Variants in SVEP1 observed in about 807,000 individuals in gnomAD.
SVEP1 encodes the protein sushi, von Willebrand factor type A, EGF and pentraxin domain-containing protein 1.
A neutral mutation model predicts 367.3 loss-of-function variants in SVEP1; 164 were observed. The observed-to-expected ratio is 0.45, with a 90% CI of 0.39 to 0.51. SVEP1 has a LOEUF of 0.51. SVEP1 is among the 20% of genes least tolerant of loss of function. The probability of loss-of-function intolerance (pLI) is 0.00; values close to 1 mark genes in which losing one functional copy is unlikely to be tolerated. For missense variants in SVEP1, 4,117 were observed against 4,425.3 expected (o/e 0.93, Z 1.98); for synonymous variants, 1,666 against 1,611.6 (o/e 1.03, Z -0.81).
intron 40 of SVEP1, among the ~76,000 whole-genome samples, chr9:110,394,935 A>G (rs1323399835): frequency 6.6e-6 from 1 of 152,226 alleles, no homozygotes; most frequent in East Asian, 1.9e-4. Context: ...TCTGCAGGAT[A>G]TTATCCCGGA....
At chr9:110,382,717 G>A (rs949805093) in intron 43 of SVEP1, among the ~76,000 whole-genome samples, 1 of 151,964 alleles carries the variant, frequency 6.6e-6, no homozygotes, top group Non-Finnish European at 1.5e-5. Context: ...TCATAGGTTC[G>A]GTCTTTTTAC....
At chr9:110,543,716 C>A (rs975343392) in intron 3 of SVEP1, among the ~76,000 whole-genome samples, 1 of 152,166 alleles carries the variant, frequency 6.6e-6, no homozygotes, top group African/African-American at 2.4e-5. Flanking sequence ...TAGGACCACA[C>A]GGAAAGCAGA....
intron 46 of SVEP1, among the ~76,000 whole-genome samples, chr9:110,374,242 A>C (rs1827317585): frequency 6.6e-6 from 1 of 152,182 alleles, no homozygotes; most frequent in Non-Finnish European, 1.5e-5. Flanking sequence ...AAGTGAGAAC[A>C]TGTGGTATTT....
At chr9:110,560,412 T>G (rs190437213) in intron 1 of SVEP1, among the ~76,000 whole-genome samples, 1 of 152,264 alleles carries the variant, frequency 6.6e-6, no homozygotes, top group Non-Finnish European at 1.5e-5. Flanking sequence ...CTCCTAGTAG[T>G]GTCTTTAGGG....
intron 9 of SVEP1, among the ~76,000 whole-genome samples, chr9:110,487,271 T>C (rs550846411): frequency 6.0e-4 from 91 of 152,270 alleles, no homozygotes; most frequent in Middle Eastern, 3.4e-3. Flanking sequence ...CTTTTATAAT[T>C]TGGGAATTCA....
At chr9:110,371,065 G>C (rs1050834837) in intron 46 of SVEP1, among the ~76,000 whole-genome samples, 4 of 152,218 alleles carry the variant, frequency 2.6e-5, no homozygotes, top group Admixed American at 6.5e-5. Context: ...GAGAACAAGA[G>C]AAGACAAGTA....
chr9:110,503,331 T>C, intron 5 of SVEP1, 114 bp from the exon 6 acceptor site: 3 of 1,066,756 alleles, frequency 2.8e-6, no homozygotes, highest in African/African-American at 1.6e-5. Flanking sequence ...TTTCTTAAAA[T>C]AGCAAACGAC....
rs1420387256 is a variant in SVEP1 at position 110,497,019 on chromosome 9, T to C, written c.1682-86A>G. 23 of 818,826 alleles carry C rather than the reference T, an allele frequency of 2.8e-5. No individual in the cohort carries two copies. The East Asian group carries it at 6.3e-4, about 23-fold the overall frequency. The allele number at this position is 818,826 out of a possible 1,614,324, so 50.7% of individuals were successfully genotyped here. On this transcript the variant is annotated intron_variant, in intron 7 of 47. Transcript: ENST00000374469. ...GGAAGAGGTACAAATCTAGTTATAT[T>C]AATACACTGTGACACATTTGTACAT...
At chr9:110,464,390 T>G (rs1385995543) in intron 18 of SVEP1, among the ~76,000 whole-genome samples, 1 of 152,198 alleles carries the variant, frequency 6.6e-6, no homozygotes, top group Non-Finnish European at 1.5e-5. Context: ...ACTGAGATAA[T>G]TTAAACAGAT....
At chr9:110,486,096 T>C (rs1564156182) in intron 9 of SVEP1, among the ~76,000 whole-genome samples, 1 of 151,906 alleles carries the variant, frequency 6.6e-6, no homozygotes, top group South Asian at 2.1e-4. Context: ...ATCTGGCCTA[T>C]AACAGGTGCT....
rs747246001 is a variant in SVEP1 at position 110,407,647 on chromosome 9, A to G, written c.7953T>C (p.Pro2651=). ...MEVPYVTPHP[P]YHLGAVAKTW... ...TTTTAGCCACTGCTCCCAAATGATAAGGAGGGTGAGGAGTCACATATGGAA... is the reference window on the plus strand; with the variant it reads ...TTTTAGCCACTGCTCCCAAATGATAGGGAGGGTGAGGAGTCACATATGGAA... The change falls in exon 38 of 48, where the codon CCT becomes CCC. Residue 2651 remains proline (P), a synonymous_variant. Coordinates refer to ENST00000374469, the MANE Select transcript of SVEP1 (RefSeq NM_153366.4). 7 of 1,613,898 alleles carry G rather than the reference A, an allele frequency of 4.3e-6. No individual in the cohort carries two copies. Among genetic ancestry groups the G allele is most frequent in the South Asian group, 1.1e-5 (1 of 91,082 alleles).
chr9:110,451,273 A>G lies in SVEP1; in HGVS notation c.3901+16T>C, dbSNP rs1363390152. The G allele has an allele frequency of 6.3e-7, 1 of 1,589,982 alleles. No homozygotes were observed. Among genetic ancestry groups the G allele is most frequent in the East Asian group, 2.2e-5 (1 of 44,748 alleles). ...CAAGATTTTAAGACAACATAGGAAG[A>G]CTGGAAACATCTTACCTACAAATCC... On this transcript the variant is annotated intron_variant, in intron 23 of 47. Transcript: ENST00000374469.
chr9:110,513,169 T>A, intron 4 of SVEP1, 64 bp from the exon 5 acceptor site: 2 of 1,459,538 alleles, frequency 1.4e-6, no homozygotes, highest in South Asian at 1.4e-5. Context: ...ATATCCTTTT[T>A]TTTTTTTCTT....
intron 14 of SVEP1, 90 bp from the exon 15 acceptor site, chr9:110,472,413 A>G (rs1199625748): frequency 7.7e-7 from 1 of 1,305,418 alleles, no homozygotes; most frequent in Non-Finnish European, 1.0e-6. Flanking sequence ...GTGAAATTAC[A>G]CTTGACCATT....
intron 37 of SVEP1, among the ~76,000 whole-genome samples, chr9:110,410,233 A>G (rs1423606470): frequency 6.6e-6 from 1 of 152,234 alleles, no homozygotes; most frequent in African/African-American, 2.4e-5. Flanking sequence ...TAATTAGAAT[A>G]TGGTCAATTT....
intron 16 of SVEP1, among the ~76,000 whole-genome samples, chr9:110,469,704 A>T (rs1244266694): frequency 1.3e-5 from 2 of 152,202 alleles, no homozygotes; most frequent in African/African-American, 4.8e-5. Flanking sequence ...AGATGTTAAA[A>T]AGTGTGTAAT....
intron 3 of SVEP1, among the ~76,000 whole-genome samples, chr9:110,534,061 G>C (rs1486006718): frequency 6.6e-6 from 1 of 152,072 alleles, no homozygotes; most frequent in Non-Finnish European, 1.5e-5. Context: ...GGGTACATGT[G>C]CAGGTTTGTT....
intron 8 of SVEP1, among the ~76,000 whole-genome samples, chr9:110,494,283 G>A (rs1427330034): frequency 6.6e-6 from 1 of 152,182 alleles, no homozygotes; most frequent in Non-Finnish European, 1.5e-5. Context: ...ATAGAAGGGG[G>A]AAAATAGCAT....
At chr9:110,434,262 A>G in intron 30 of SVEP1, 74 bp downstream of exon 30, 1 of 1,450,852 alleles carries the variant, frequency 6.9e-7, no homozygotes, top group Non-Finnish European at 9.3e-7. Flanking sequence ...CTCTTTGTCT[A>G]GCATTCCTGA....
Sources: gnomAD v4.1 joint callset for allele counts (sites outside exome capture counted in the v4.1 genomes callset) on GRCh38, gnomAD v4.1.1 for gene constraint, MANE v1.5 for transcripts, NCBI Gene and HGNC (gene_info 2026-07-23, HGNC 2026-07-21) for gene names.